Variants in MKNK1 observed in about 807,000 individuals in gnomAD.
The protein encoded by MKNK1 is MAPK interacting serine/threonine kinase 1, also known as MAP kinase-interacting serine/threonine-protein kinase 1.
A neutral mutation model predicts 49.3 loss-of-function variants in MKNK1; 30 were observed. The ratio of observed to expected loss-of-function variants is 0.61; its 90% CI spans 0.46 to 0.83. The LOEUF is 0.83. Ranked by LOEUF, MKNK1 falls within the 40% of genes least tolerant of loss-of-function variation. MKNK1 has a pLI of 0.00. For missense variants in MKNK1, 423 were observed against 524.7 expected (o/e 0.81, Z 1.89); for synonymous variants, 176 against 201.7 (o/e 0.87, Z 1.08).
intron 1 of MKNK1, among the ~76,000 whole-genome samples, chr1:46,598,993 G>A (rs1557900312): frequency 6.6e-6 from 1 of 152,174 alleles, no homozygotes; most frequent in Non-Finnish European, 1.5e-5. Flanking sequence ...GTTGTCATGA[G>A]AATTAAGTGA....
In MKNK1 at chr1:46,565,045, G is replaced by C; in HGVS notation, c.605C>G (p.Thr202Ser). 6.2e-7 allele frequency: 1 copy of C among 1,614,002 alleles called. No individual in the cohort carries two copies. The highest frequency in any genetic ancestry group is 8.5e-7 in the Non-Finnish European group (1 of 1,179,836). The change falls in exon 9 of 13, where the codon ACC (threonine) becomes AGC (serine). Residue 202 changes from threonine (T) to serine (S), a missense_variant. Physicochemically the swap from Thr to Ser is moderately conservative, Grantham distance 58 (BLOSUM62 1). Transcript: ENST00000371945. Reference sequence around the variant, plus strand: ...GCCCAGAGGAAGCATACGTACTGGGGTGGTCAGCTCTGGTGTGGTTATGGG... The same window carrying C: ...GCCCAGAGGAAGCATACGTACTGGGCTGGTCAGCTCTGGTGTGGTTATGGG... Reference protein sequence around the residue: ...CTPITTPELTTPCGSAEYMAP... With the variant: ...CTPITTPELTSPCGSAEYMAP...
At chr1:46,583,741 T>C (rs2148705065) in intron 2 of MKNK1, among the ~76,000 whole-genome samples, 1 of 147,718 alleles carries the variant, frequency 6.8e-6, no homozygotes, top group African/African-American at 2.5e-5. Flanking sequence ...AAGAAGGGGG[T>C]TGGGAGTGGG....
intron 6 of MKNK1, among the ~76,000 whole-genome samples, chr1:46,572,680 CTT>C (rs543257958): frequency 3.7e-4 from 56 of 152,252 alleles, no homozygotes; most frequent in African/African-American, 1.3e-3. Flanking sequence ...GGACTACTCT[CTT>C]CTGTACCTGT....
In MKNK1 at chr1:46,590,456, A is replaced by C. The variant is rs562697114; in HGVS notation, c.-3+3657T>G. On this transcript the variant is annotated intron_variant, in intron 2 of 12. Transcript: ENST00000371945. ...CGCTACACTTTACATATACTAACTT[A>C]TTTAATCATCACTACTTTATGAGCT... is the stretch of plus-strand genomic sequence containing the variant. Among the ~76,000 whole-genome samples, 43 of 152,360 alleles carry C rather than the reference A, an allele frequency of 2.8e-4. 1 individual carries two copies. Among genetic ancestry groups the C allele is most frequent in the South Asian group, 8.3e-4 (4 of 4,832 alleles).
chr1:46,586,724 T>C (rs1672628199), intron 2 of MKNK1, among the ~76,000 whole-genome samples: 1 of 152,240 alleles, frequency 6.6e-6, no homozygotes. Context: ...TACTTAGTTT[T>C]ATGAATCCAG....
At chr1:46,588,862 T>C (rs1487152453) in intron 2 of MKNK1, among the ~76,000 whole-genome samples, 6 of 149,186 alleles carry the variant, frequency 4.0e-5, no homozygotes, top group Admixed American at 4.0e-4. Context: ...TAAAAACAAA[T>C]GAAAAAATGT....
At chr1:46,569,345 CG>C (rs1241802078) in intron 7 of MKNK1, 6 of 152,250 alleles carry the variant, frequency 3.9e-5, no homozygotes, top group African/African-American at 1.2e-4. Flanking sequence ...GAAGGCACCT[CG>C]GGGAGAGCCC....
chr1:46,568,258 A>C lies in MKNK1; in HGVS notation c.513+185T>G, dbSNP rs1250493894. The C allele has an allele frequency of 1.8e-5, 11 of 606,620 alleles. No homozygotes were observed. The East Asian group carries it at 3.1e-4, about 17-fold the overall frequency. The allele number at this position is 606,620 out of a possible 1,614,324, so 37.6% of individuals were successfully genotyped here. On this transcript the variant is annotated intron_variant, in intron 8 of 12. Transcript: ENST00000371945. ...CTTACATCAATCACACTGATGATCAAGAGCGAAGAAAGGACGAGGATGGGC... is the reference window on the plus strand; with the variant it reads ...CTTACATCAATCACACTGATGATCACGAGCGAAGAAAGGACGAGGATGGGC...
chr1:46,565,298 A>AT, intron 8 of MKNK1, 162 bp from the exon 9 acceptor site: 1 of 653,002 alleles, frequency 1.5e-6, no homozygotes, highest in South Asian at 1.8e-5. Context: ...TCCCCTGAGG[A>AT]TTTCTTCCCA....
chr1:46,582,160 C>T (rs1671841741), intron 3 of MKNK1, among the ~76,000 whole-genome samples: 1 of 152,096 alleles, frequency 6.6e-6, no homozygotes, highest in African/African-American at 2.4e-5. Flanking sequence ...ACCTTGGGAT[C>T]TTTGTCTCTC....
intron 2 of MKNK1, chr1:46,585,826 A>G (rs1451519475): frequency 4.0e-6 from 4 of 998,292 alleles, no homozygotes; most frequent in Non-Finnish European, 4.4e-6. Context: ...ACCACCGCAC[A>G]CGTAACATTA....
intron 11 of MKNK1, among the ~76,000 whole-genome samples, chr1:46,561,092 C>T (rs972600509): frequency 6.6e-6 from 1 of 152,240 alleles, no homozygotes; most frequent in Non-Finnish European, 1.5e-5. Context: ...TGTGCCCCAA[C>T]TCGGCCACAC....
At chr1:46,571,666 TAGAAGGAATAACATCAAGA>T in intron 7 of MKNK1, 2 of 340,710 alleles carry the variant, frequency 5.9e-6, no homozygotes, top group South Asian at 4.6e-5. Context: ...ATTTTAAGAC[TAGAAGGAATAACATCAAGA>T]TATTCACACT....
At chr1:46,581,403 C>T (rs560247251) in intron 3 of MKNK1, among the ~76,000 whole-genome samples, 6 of 145,408 alleles carry the variant, frequency 4.1e-5, no homozygotes, top group South Asian at 2.3e-4. Flanking sequence ...CCAGCTATTT[C>T]GGGGGCTGAG....
intron 2 of MKNK1, among the ~76,000 whole-genome samples, chr1:46,591,465 C>G (rs1033628129): frequency 2.0e-5 from 3 of 152,106 alleles, no homozygotes; most frequent in Non-Finnish European, 4.4e-5. Flanking sequence ...TCACAGGCAG[C>G]CTTCAGAGCT....
intron 11 of MKNK1, 122 bp from the exon 12 acceptor site, chr1:46,560,399 T>C: frequency 2.8e-6 from 3 of 1,056,724 alleles, no homozygotes; most frequent in Non-Finnish European, 4.3e-6. Context: ...GAAATGGCTA[T>C]GCTTGCTTGC....
At chr1:46,572,564 G>A (rs1392268671) in intron 6 of MKNK1, among the ~76,000 whole-genome samples, 1 of 152,010 alleles carries the variant, frequency 6.6e-6, no homozygotes, top group Non-Finnish European at 1.5e-5. Flanking sequence ...GAAAACTTGG[G>A]GTGGGGACAT....
intron 2 of MKNK1, among the ~76,000 whole-genome samples, chr1:46,592,815 C>A (rs1321032368): frequency 3.3e-5 from 5 of 152,096 alleles, no homozygotes; most frequent in Non-Finnish European, 7.4e-5. Context: ...AGCATGCAGC[C>A]AGGAAGAGGA....
At chr1:46,571,924 T>C (rs1249677215) in intron 7 of MKNK1, 139 bp downstream of exon 7, 2 of 710,042 alleles carry the variant, frequency 2.8e-6, no homozygotes, top group Non-Finnish European at 2.4e-6. Flanking sequence ...TCAACTCCCA[T>C]GGGTGAGCAT....
Sources: allele counts gnomAD v4.1 joint callset (sites outside exome capture counted in the v4.1 genomes callset), GRCh38; gene constraint gnomAD v4.1.1; transcripts MANE v1.5; gene names NCBI Gene and HGNC (gene_info 2026-07-23, HGNC 2026-07-21).